NLGN1: variants seen among roughly 807,000 people sequenced by gnomAD.
NLGN1 encodes neuroligin 1, also known as neuroligin-1.
In NLGN1, 12 loss-of-function variants were observed where a neutral mutation model predicts 65.5. The observed-to-expected ratio is 0.18, with a 90% CI of 0.12 to 0.30. NLGN1 has a LOEUF of 0.30. Ranked by LOEUF, NLGN1 falls within the 10% of genes least tolerant of loss-of-function variation. The pLI, the probability that NLGN1 is intolerant of heterozygous loss-of-function variation, is 1.00. For synonymous variants in NLGN1, 350 were observed against 359.5 expected (o/e 0.97, Z 0.30); for missense variants, 750 against 1,007.1 (o/e 0.74, Z 3.46).
chr3:173,729,057 G>A (rs1772336749), intron 3 of NLGN1, among the ~76,000 whole-genome samples: 1 of 152,056 alleles, frequency 6.6e-6, no homozygotes. Flanking sequence ...TTATTTTGCT[G>A]AGATGATTGT....
chr3:174,241,872 A>T (rs1049475644), intron 4 of NLGN1, among the ~76,000 whole-genome samples: 1 of 151,848 alleles, frequency 6.6e-6, no homozygotes, highest in Non-Finnish European at 1.5e-5. Context: ...GTTAGCCAGG[A>T]TGGTCTCGAT....
intron 4 of NLGN1, among the ~76,000 whole-genome samples, chr3:173,869,576 A>G (rs1023955366): frequency 3.3e-5 from 5 of 152,162 alleles, no homozygotes; most frequent in African/African-American, 1.2e-4. Flanking sequence ...ATTTTAAGTA[A>G]GAAATGGGTG....
At chr3:174,209,302 G>A (rs1039385002) in intron 4 of NLGN1, among the ~76,000 whole-genome samples, 1 of 152,134 alleles carries the variant, frequency 6.6e-6, no homozygotes, top group Non-Finnish European at 1.5e-5. Context: ...CCTTCTGACT[G>A]CACTATAACT....
chr3:173,845,430 C>A (rs968641804), intron 4 of NLGN1, among the ~76,000 whole-genome samples: 2 of 152,096 alleles, frequency 1.3e-5, no homozygotes, highest in Non-Finnish European at 2.9e-5. Flanking sequence ...AAAGACACAA[C>A]ATAAACAAAC....
intron 4 of NLGN1, among the ~76,000 whole-genome samples, chr3:173,809,346 T>C (rs539083568): frequency 2.1e-4 from 32 of 152,282 alleles, no homozygotes; most frequent in Non-Finnish European, 1.8e-4. Flanking sequence ...AACATTTTCA[T>C]TGGAAGGAGG....
At chr3:173,406,865 A>G (rs1718802158) in intron 1 of NLGN1, among the ~76,000 whole-genome samples, 1 of 152,052 alleles carries the variant, frequency 6.6e-6, no homozygotes, top group African/African-American at 2.4e-5. Context: ...CTTCTCACCT[A>G]CCTGCTTTGC....
intron 3 of NLGN1, among the ~76,000 whole-genome samples, chr3:173,691,793 AAT>A (rs1301050523): frequency 6.6e-6 from 1 of 152,102 alleles, no homozygotes; most frequent in Non-Finnish European, 1.5e-5. Context: ...AACCAAAGAA[AAT>A]GAAACAACGG....
intron 2 of NLGN1, among the ~76,000 whole-genome samples, chr3:173,439,527 A>G (rs16826527): frequency 0.17 from 25,202 of 147,086 alleles, 3,262 homozygotes; most frequent in African/African-American, 0.37. Context: ...CTGCTCATTC[A>G]CCTGCAAAAA....
intron 1 of NLGN1, among the ~76,000 whole-genome samples, chr3:173,419,338 G>C (rs1428426655): frequency 1.3e-5 from 2 of 150,560 alleles, no homozygotes; most frequent in Non-Finnish European, 3.0e-5. Flanking sequence ...GATTATCTTG[G>C]GGCTGACATC....
chr3:173,536,601 T>C (rs1471888328), intron 2 of NLGN1, among the ~76,000 whole-genome samples: 2 of 152,210 alleles, frequency 1.3e-5, no homozygotes, highest in Non-Finnish European at 2.9e-5. Flanking sequence ...TTAACTAGCA[T>C]AGCAAAAATG....
At chr3:173,779,626 C>G (rs939035727) in intron 3 of NLGN1, among the ~76,000 whole-genome samples, 13 of 152,052 alleles carry the variant, frequency 8.5e-5, no homozygotes, top group African/African-American at 3.1e-4. Context: ...AGCATCAAAT[C>G]AACTGAAAGC....
At chr3:173,408,005 T>C (rs1017822175) in intron 1 of NLGN1, among the ~76,000 whole-genome samples, 1 of 152,206 alleles carries the variant, frequency 6.6e-6, no homozygotes, top group Non-Finnish European at 1.5e-5. Context: ...GTGACACTGG[T>C]TGATACAAAA....
At chr3:174,209,672 AC>A (rs1736090570) in intron 4 of NLGN1, among the ~76,000 whole-genome samples, 1 of 112,912 alleles carries the variant, frequency 8.9e-6, no homozygotes, top group Admixed American at 1.4e-4. Flanking sequence ...TACTCTTGTC[AC>A]CCAGGCTGGA....
chr3:174,013,070 T>C (rs911502528), intron 4 of NLGN1, among the ~76,000 whole-genome samples: 18 of 152,246 alleles, frequency 1.2e-4, no homozygotes, highest in Admixed American at 8.5e-4. Flanking sequence ...TGAGAGAGAA[T>C]AGTAAATTCA....
chr3:174,117,912 T>C (rs1716883112), intron 4 of NLGN1, among the ~76,000 whole-genome samples: 1 of 152,210 alleles, frequency 6.6e-6, no homozygotes, highest in Non-Finnish European at 1.5e-5. Flanking sequence ...TCAAGTCGAA[T>C]ACTCTATTTC....
intron 1 of NLGN1, among the ~76,000 whole-genome samples, chr3:173,415,919 G>GGGA (rs1713654461): frequency 1.6e-5 from 2 of 125,202 alleles, no homozygotes; most frequent in African/African-American, 6.6e-5. Context: ...AGAGAGAGAG[G>GGGA]GAGAGAGAGA....
chr3:174,036,863 T>C (rs980920634), intron 4 of NLGN1, among the ~76,000 whole-genome samples: 2 of 152,194 alleles, frequency 1.3e-5, no homozygotes, highest in African/African-American at 4.8e-5. Flanking sequence ...TTTGGTTTTC[T>C]GTTCCTGTGT....
intron 2 of NLGN1, among the ~76,000 whole-genome samples, chr3:173,457,892 C>CATGCATGT (rs1426199923): frequency 5.9e-5 from 9 of 152,052 alleles, no homozygotes; most frequent in African/African-American, 9.6e-5. Flanking sequence ...ATGTATTTTG[C>CATGCATGT]ATGCATGTGT....
intron 4 of NLGN1, among the ~76,000 whole-genome samples, chr3:174,215,529 C>T (rs1737431709): frequency 6.6e-6 from 1 of 152,036 alleles, no homozygotes; most frequent in African/African-American, 2.4e-5. Flanking sequence ...TTAACTAATC[C>T]AGCAGGAGGG....
Sources: gnomAD v4.1 joint callset for allele counts (sites outside exome capture counted in the v4.1 genomes callset) on GRCh38, gnomAD v4.1.1 for gene constraint, MANE v1.5 for transcripts, NCBI Gene and HGNC (gene_info 2026-07-23, HGNC 2026-07-21) for gene names.